The following HFM1 variants were observed in gnomAD, a reference collection of about 807,000 sequenced individuals.
HFM1 encodes helicase for meiosis 1.
A neutral mutation model predicts 192.1 loss-of-function variants in HFM1; 169 were observed. The ratio of observed to expected loss-of-function variants is 0.88; its 90% CI spans 0.78 to 1.00. The LOEUF (loss-of-function observed/expected upper bound fraction) is 1.00, where lower values mean the gene tolerates loss of function less well. HFM1 is among the 50% of genes least tolerant of loss of function. The pLI, the probability that HFM1 is intolerant of heterozygous loss-of-function variation, is 0.00. For synonymous variants in HFM1, 525 were observed against 537.8 expected, an observed-to-expected ratio of 0.98 and a Z score of 0.33; for missense variants, 1,661 against 1,668.0, an observed-to-expected ratio of 1.00 and a Z score of 0.07.
intron 30 of HFM1, among the ~76,000 whole-genome samples, chr1:91,289,554 C>T (rs961695757): frequency 6.6e-5 from 10 of 152,174 alleles, no homozygotes; most frequent in African/African-American, 2.4e-4. Flanking sequence ...CACGCCACTG[C>T]ACTCCAGCCT....
intron 18 of HFM1, among the ~76,000 whole-genome samples, chr1:91,347,894 T>TA (rs1656355163): frequency 6.6e-6 from 1 of 152,130 alleles, no homozygotes; most frequent in Non-Finnish European, 1.5e-5. Context: ...TATCAAAAGA[T>TA]ATACATATAA....
intron 7 of HFM1, among the ~76,000 whole-genome samples, 196 bp downstream of exon 7, chr1:91,380,716 T>C (rs1331857750): frequency 6.6e-6 from 1 of 152,168 alleles, no homozygotes; most frequent in African/African-American, 2.4e-5. Flanking sequence ...ATTTCACCAC[T>C]GCACTCAAAT....
intron 2 of HFM1, among the ~76,000 whole-genome samples, chr1:91,398,183 T>G (rs1663899771): frequency 6.6e-6 from 1 of 152,178 alleles, no homozygotes; most frequent in Non-Finnish European, 1.5e-5. Flanking sequence ...CAAGGACTAT[T>G]TCAGAAAACC....
In HFM1 at chr1:91,327,096, G is replaced by A. The variant is rs181760943; in HGVS notation, c.2336-2330C>T. ...AATCACCTTCACTGAACAGAAGACAGGAAGACAGAAAGAAGGAAGAGAAGA... is the reference window on the plus strand; with the variant it reads ...AATCACCTTCACTGAACAGAAGACAAGAAGACAGAAAGAAGGAAGAGAAGA... On this transcript the variant is annotated intron_variant, in intron 20 of 38. Transcript: ENST00000370425. 2.6e-4 allele frequency among the ~76,000 whole-genome samples: 39 copies of A among 152,138 alleles called. 1 individual carries two copies. Among genetic ancestry groups the A allele is most frequent in the Non-Finnish European group, 4.6e-4 (31 of 67,984 alleles).
chr1:91,322,482 A>C (rs952452822), intron 23 of HFM1, among the ~76,000 whole-genome samples: 2 of 151,992 alleles, frequency 1.3e-5, no homozygotes, highest in African/African-American at 4.8e-5. Context: ...ACCTTAATTT[A>C]CTCTTTCAAT....
At chr1:91,340,209 T>C (rs763153124) in intron 20 of HFM1, among the ~76,000 whole-genome samples, 1 of 152,154 alleles carries the variant, frequency 6.6e-6, no homozygotes, top group Non-Finnish European at 1.5e-5. Flanking sequence ...AAGGTGTCAC[T>C]ATATTGCTCA....
At chr1:91,363,366 G>A (rs931577678) in intron 13 of HFM1, among the ~76,000 whole-genome samples, 6 of 147,578 alleles carry the variant, frequency 4.1e-5, no homozygotes, top group African/African-American at 7.6e-5. Context: ...ATTAAAAAGC[G>A]GGCAATGGAC....
At chr1:91,272,840 G>GA (rs34607163) in intron 34 of HFM1, among the ~76,000 whole-genome samples, 14 of 149,906 alleles carry the variant, frequency 9.3e-5, no homozygotes, top group Non-Finnish European at 1.8e-4. Flanking sequence ...ATGACTAGAG[G>GA]AAAAAAAAGT....
At chr1:91,339,607 TA>T (rs1378172199) in intron 20 of HFM1, among the ~76,000 whole-genome samples, 3 of 151,276 alleles carry the variant, frequency 2.0e-5, no homozygotes, top group Non-Finnish European at 2.9e-5. Flanking sequence ...GAAAAAAGAA[TA>T]AAAAAGAATG....
intron 13 of HFM1, among the ~76,000 whole-genome samples, chr1:91,365,525 AG>A (rs1311764462): frequency 6.6e-6 from 1 of 152,184 alleles, no homozygotes; most frequent in Non-Finnish European, 1.5e-5. Flanking sequence ...AAAAGACAAG[AG>A]GAAGTTAAGA....
At chr1:91,356,761 G>C (rs1392958894) in intron 13 of HFM1, among the ~76,000 whole-genome samples, 2 of 151,516 alleles carry the variant, frequency 1.3e-5, no homozygotes, top group Non-Finnish European at 2.9e-5. Flanking sequence ...AATGAAACTG[G>C]AGAAATCACC....
rs567934507 is a variant in HFM1 at position 91,382,464 on chromosome 1, A to C, written c.803-1482T>G. Among the ~76,000 whole-genome samples, 10 of 152,350 alleles carry C rather than the reference A, an allele frequency of 6.6e-5. No individual in the cohort carries two copies. In the South Asian group the frequency reaches 2.1e-3, roughly 32 times the overall value. ...GTGACATATCCCAAATACTTAGAAC[A>C]GTGCCTGACACATAACTCAGTTAAT... is the stretch of plus-strand genomic sequence containing the variant. On this transcript the variant is annotated intron_variant, in intron 6 of 38. Transcript: ENST00000370425.
At chr1:91,378,977 A>T in intron 9 of HFM1, 86 bp downstream of exon 9, 1 of 734,266 alleles carries the variant, frequency 1.4e-6, no homozygotes, top group Non-Finnish European at 2.1e-6. Flanking sequence ...TTTCTAGTTT[A>T]TATTTTTTAA....
chr1:91,319,361 G>T lies in HFM1; in HGVS notation c.2612C>A (p.Pro871His). The change falls in exon 24 of 39, where the codon CCC (proline) becomes CAC (histidine). Residue 871 changes from proline to histidine, a missense_variant. By Grantham distance (77) the Pro-to-His change is moderately conservative. Coordinates refer to ENST00000370425, the MANE Select transcript of HFM1 (RefSeq NM_001017975.6). ...TTGTGTCAAAGCAAAATCTTGTATG[G>T]GAATGCATCCTAGTTGAGCCTGAAT... The part of the protein sequence containing the change: ...CLIQAQLGCI[P>H]IQDFALTQDT... 6.2e-7 allele frequency: 1 copy of T among 1,612,382 alleles called. No individual in the cohort carries two copies. Among genetic ancestry groups the T allele is most frequent in the Non-Finnish European group, 8.5e-7 (1 of 1,178,640 alleles).
chr1:91,365,813 C>T (rs12143148), intron 13 of HFM1, among the ~76,000 whole-genome samples: 2,319 of 151,786 alleles, frequency 0.015, 27 homozygotes, highest in Non-Finnish European at 0.021. Flanking sequence ...ATTTAATTAT[C>T]ATAGAAACAT....
intron 20 of HFM1, chr1:91,329,427 T>C: frequency 6.4e-7 from 1 of 1,572,364 alleles, no homozygotes. Flanking sequence ...TGGCTCACTC[T>C]CTTCAGCTAA....
intron 23 of HFM1, among the ~76,000 whole-genome samples, chr1:91,322,232 A>G (rs186184051): frequency 6.6e-6 from 1 of 152,350 alleles, no homozygotes; most frequent in Non-Finnish European, 1.5e-5. Flanking sequence ...TATTTGGAAG[A>G]TAAAATTTAA....
intron 30 of HFM1, among the ~76,000 whole-genome samples, chr1:91,312,318 C>T (rs971686903): frequency 6.6e-6 from 1 of 152,108 alleles, no homozygotes; most frequent in African/African-American, 2.4e-5. Context: ...TCAACACCAA[C>T]CCATGAAAGC....
At chr1:91,356,674 T>C (rs1166501169) in intron 13 of HFM1, among the ~76,000 whole-genome samples, 4 of 150,922 alleles carry the variant, frequency 2.7e-5, no homozygotes, top group African/African-American at 9.7e-5. Flanking sequence ...AACCAAGACT[T>C]GGTTCTTTGA....
Sources: allele counts gnomAD v4.1 joint callset (sites outside exome capture counted in the v4.1 genomes callset), GRCh38; gene constraint gnomAD v4.1.1; transcripts MANE v1.5; gene names NCBI Gene and HGNC (gene_info 2026-07-23, HGNC 2026-07-21).